The following SEC23B variants were observed in gnomAD, a reference collection of about 807,000 sequenced individuals.
The protein encoded by SEC23B is protein transport protein Sec23B.
Under a neutral mutation model 104.3 loss-of-function variants are expected in SEC23B, and 77 were observed. The ratio of observed to expected loss-of-function variants is 0.74; its 90% CI spans 0.61 to 0.89. SEC23B has a LOEUF of 0.89. Among genes scored for constraint, SEC23B ranks in the 40% least tolerant of loss-of-function variants. SEC23B has a pLI of 0.00. For missense variants in SEC23B, 885 were observed against 949.4 expected (o/e 0.93, Z 0.89); for synonymous variants, 338 against 332.5 (o/e 1.02, Z -0.18).
chr20:18,541,742 A>G (rs764533815), intron 12 of SEC23B, among the ~76,000 whole-genome samples: 1 of 152,250 alleles, frequency 6.6e-6, no homozygotes, highest in Non-Finnish European at 1.5e-5. Context: ...ACAGATCACC[A>G]TAGCAGATAT....
At chr20:18,508,533 C>T (rs2059951680) in intron 1 of SEC23B, among the ~76,000 whole-genome samples, 2 of 152,132 alleles carry the variant, frequency 1.3e-5, no homozygotes, top group South Asian at 4.1e-4. Flanking sequence ...CCTAGAAAAA[C>T]GGCATATTCC....
intron 15 of SEC23B, among the ~76,000 whole-genome samples, chr20:18,547,887 G>T (rs1250225968): frequency 1.3e-5 from 2 of 151,940 alleles, no homozygotes; most frequent in Non-Finnish European, 2.9e-5. Context: ...CCTCTTAACT[G>T]TGGAAGCTTT....
intron 4 of SEC23B, among the ~76,000 whole-genome samples, chr20:18,517,908 A>C (rs1224059049): frequency 6.6e-6 from 1 of 152,232 alleles, no homozygotes; most frequent in Non-Finnish European, 1.5e-5. Context: ...GACCCAGGAC[A>C]TCCAATTAGA....
At chr20:18,534,139 C>T (rs1372999719) in intron 11 of SEC23B, among the ~76,000 whole-genome samples, 1 of 152,126 alleles carries the variant, frequency 6.6e-6, no homozygotes, top group Non-Finnish European at 1.5e-5. Flanking sequence ...CATTTATTTG[C>T]CACATTTGAT....
chr20:18,541,527 T>C (rs2060287825), intron 12 of SEC23B, among the ~76,000 whole-genome samples: 1 of 152,204 alleles, frequency 6.6e-6, no homozygotes, highest in South Asian at 2.1e-4. Context: ...GAGGGCATTG[T>C]AGGGTTATTA....
upstream of SEC23B, chr20:18,507,928 C>T (rs558794206): frequency 1.3e-5 from 2 of 152,724 alleles, no homozygotes; most frequent in African/African-American, 4.8e-5. Flanking sequence ...CGGTGGGAGC[C>T]GGAGCCTGCT....
chr20:18,548,627 A>G lies in SEC23B; in HGVS notation c.1762A>G (p.Arg588Gly). Residue 588 changes from arginine (R) to glycine (G), a missense_variant, in exon 16 of 20, where the codon AGA (arginine) becomes GGA (glycine). Transcript: ENST00000650089. ...AATGCAGTTTATGTTCCATCTGAGA[A>G]GATCTCCATTTCTTCAAGTGTTTAA... ...LYPQFMFHLR[R>G]SPFLQVFNNS... is the part of the protein sequence containing the mutation. 6.2e-7 allele frequency: 1 copy of G among 1,614,076 alleles called. No homozygotes were observed. Among genetic ancestry groups the G allele is most frequent in the Non-Finnish European group, 8.5e-7 (1 of 1,179,928 alleles).
At chr20:18,530,892 T>C in intron 10 of SEC23B, 89 bp downstream of exon 10, 1 of 1,064,742 alleles carries the variant, frequency 9.4e-7, no homozygotes, top group Non-Finnish European at 1.4e-6. Context: ...TTTTCCCGCC[T>C]CAGCGTCCTA....
Position 18,535,442 on chromosome 20 carries a change from T to C in SEC23B, c.1315-211T>C, listed in dbSNP as rs6081192. Reference sequence around the variant, plus strand: ...ATGTAATAAAAATTGGTCAGAATGTTAATATAAAAAGCTTAATTTTAAAGT... The same window carrying C: ...ATGTAATAAAAATTGGTCAGAATGTCAATATAAAAAGCTTAATTTTAAAGT... On this transcript the variant is annotated intron_variant, in intron 11 of 19. Transcript: ENST00000650089. 0.92 allele frequency among the ~76,000 whole-genome samples: 140,649 copies of C among 152,220 alleles called. 65,883 individuals carry two copies. Among genetic ancestry groups the C allele is most frequent in the East Asian group, 1 (5,190 of 5,190 alleles).
intron 11 of SEC23B, among the ~76,000 whole-genome samples, chr20:18,533,972 GT>G (rs2060207480): frequency 6.6e-6 from 1 of 152,246 alleles, no homozygotes; most frequent in Non-Finnish European, 1.5e-5. Flanking sequence ...AGCCATGAAA[GT>G]TTTGTTTGGG....
intron 11 of SEC23B, 137 bp downstream of exon 11, chr20:18,532,881 G>A: frequency 1.4e-6 from 1 of 720,962 alleles, no homozygotes. Flanking sequence ...CCTCACTGAT[G>A]ACTATACTCG....
intron 16 of SEC23B, among the ~76,000 whole-genome samples, chr20:18,549,168 A>G (rs903308511): frequency 1.3e-5 from 2 of 152,212 alleles, no homozygotes; most frequent in Non-Finnish European, 2.9e-5. Flanking sequence ...AATATAGGAA[A>G]ATAAATAAGT....
At chr20:18,552,406 C>A (rs1419789017) in intron 17 of SEC23B, among the ~76,000 whole-genome samples, 1 of 152,228 alleles carries the variant, frequency 6.6e-6, no homozygotes, top group African/African-American at 2.4e-5. Flanking sequence ...CCCACTGGAA[C>A]CTTTGGTATC....
At position 18,512,031 on chromosome 20, in the gene SEC23B, TGTG is replaced by T. The variant is rs985533280; in HGVS notation, c.222-190_222-188del. ...TTCACTGTGGCTGTTTGATGGAAAT[TGTG>T]GTGTACTTAGCCAGAATTCTAACTG... On this transcript the variant is annotated intron_variant, in intron 2 of 19. Coordinates refer to ENST00000650089, the MANE Select transcript of SEC23B (RefSeq NM_006363.6). 3.9e-5 allele frequency among the ~76,000 whole-genome samples: 6 copies of T among 152,208 alleles called. No individual in the cohort carries two copies. The East Asian group carries it at 9.6e-4, about 24-fold the overall frequency.
chr20:18,542,305 C>G lies in SEC23B; in HGVS notation c.1414C>G (p.Pro472Ala). 1 of 1,614,122 alleles carries G rather than the reference C, an allele frequency of 6.2e-7. No homozygotes were observed. Among genetic ancestry groups the G allele is most frequent in the South Asian group, 1.1e-5 (1 of 91,076 alleles). ...GCCTCTCATCCTACAGCACAACACCCCGATCCCCCAAGGAGGCAGAGGAGC... is the reference window on the plus strand; with the variant it reads ...GCCTCTCATCCTACAGCACAACACCGCGATCCCCCAAGGAGGCAGAGGAGC... ...YFEVVNQHNT[P>A]IPQGGRGAIQ... Residue 472 changes from proline (P) to alanine (A), a missense_variant, in exon 13 of 20, where the codon CCG becomes GCG. Pro to Ala is a conservative substitution (Grantham distance 27). Coordinates refer to ENST00000650089, the MANE Select transcript of SEC23B (RefSeq NM_006363.6).
At chr20:18,539,753 T>C (rs935566072) in intron 12 of SEC23B, among the ~76,000 whole-genome samples, 4 of 151,548 alleles carry the variant, frequency 2.6e-5, no homozygotes, top group Non-Finnish European at 5.9e-5. Flanking sequence ...CAAGCAATTC[T>C]GCTGCCTCAG....
intron 16 of SEC23B, among the ~76,000 whole-genome samples, chr20:18,549,320 A>G (rs1432987554): frequency 1.3e-5 from 2 of 152,224 alleles, no homozygotes; most frequent in Non-Finnish European, 2.9e-5. Flanking sequence ...ATCCTCCTAT[A>G]TACTTTAAAT....
At chr20:18,533,519 T>TA (rs1252282996) in intron 11 of SEC23B, among the ~76,000 whole-genome samples, 1 of 152,212 alleles carries the variant, frequency 6.6e-6, no homozygotes, top group Non-Finnish European at 1.5e-5. Flanking sequence ...TCAGTATCCT[T>TA]ATCTGGCAAA....
intron 3 of SEC23B, among the ~76,000 whole-genome samples, 175 bp downstream of exon 3, chr20:18,512,457 G>A (rs1263716715): frequency 2.6e-5 from 4 of 152,120 alleles, no homozygotes. Flanking sequence ...TTATTCTGTT[G>A]AGTGGTTTTC....
Sources: allele counts gnomAD v4.1 joint callset (sites outside exome capture counted in the v4.1 genomes callset), GRCh38; gene constraint gnomAD v4.1.1; transcripts MANE v1.5; gene names NCBI Gene and HGNC (gene_info 2026-07-23, HGNC 2026-07-21).